The following SAFB2 variants were observed in gnomAD, a reference collection of about 807,000 sequenced individuals.
SAFB2 encodes the protein scaffold attachment factor B2.
In SAFB2, 32 loss-of-function variants were observed where a neutral mutation model predicts 100.6. The ratio of observed to expected loss-of-function variants is 0.32; its 90% CI spans 0.24 to 0.43. The LOEUF (loss-of-function observed/expected upper bound fraction) is 0.43. Ranked by LOEUF, SAFB2 falls within the 20% of genes least tolerant of loss-of-function variation. The probability of loss-of-function intolerance (pLI) is 1.00; values close to 1 mark genes in which losing one functional copy is unlikely to be tolerated. For missense variants in SAFB2, 1,185 were observed against 1,163.4 expected, an observed-to-expected ratio of 1.02 and a Z score of -0.27; for synonymous variants, 500 against 439.4, an observed-to-expected ratio of 1.14 and a Z score of -1.72.
chr19:5,616,564 T>C (rs1421561914), intron 2 of SAFB2, 78 bp from the exon 3 acceptor site: 13 of 1,201,444 alleles, frequency 1.1e-5, no homozygotes, highest in Non-Finnish European at 1.6e-5. Flanking sequence ...TAGATTTCAA[T>C]CTTAGAACAG....
rs2052958164 is a variant in SAFB2, at chr19:5,613,612, C to T, written c.544-85G>A. On this transcript the variant is annotated intron_variant, in intron 4 of 20. Coordinates refer to ENST00000252542, the MANE Select transcript of SAFB2 (RefSeq NM_014649.3). ...CACCTCGCTTAGGCAACTTGTGTGT[C>T]TATTTCCCTCACGGCACCTTTTGCC... The T allele has an allele frequency of 2.6e-6, 4 of 1,557,538 alleles. No homozygotes were observed. In the Admixed American group the frequency reaches 7.4e-5, roughly 29 times the overall value.
At chr19:5,605,385 A>G (rs1287781193) in intron 9 of SAFB2, among the ~76,000 whole-genome samples, 1 of 152,164 alleles carries the variant, frequency 6.6e-6, no homozygotes, top group Non-Finnish European at 1.5e-5. Flanking sequence ...GATTACAGGC[A>G]TGAGACACCG....
intron 4 of SAFB2, among the ~76,000 whole-genome samples, chr19:5,614,164 G>C (rs1265958209): frequency 2.0e-5 from 3 of 152,112 alleles, no homozygotes; most frequent in Admixed American, 6.5e-5. Context: ...CCATGTCCAG[G>C]CTGGTCTTGA....
At chr19:5,590,166 A>G in intron 18 of SAFB2, 112 bp downstream of exon 18, 1 of 1,013,982 alleles carries the variant, frequency 9.9e-7, no homozygotes, top group Non-Finnish European at 1.4e-6. Context: ...CTGGTAGCCC[A>G]TCCTAAAGCT....
chr19:5,617,080 G>T (rs74872894), intron 2 of SAFB2, among the ~76,000 whole-genome samples: 2,402 of 150,438 alleles, frequency 0.016, 70 homozygotes, highest in African/African-American at 0.057. Context: ...CCAAACCTAA[G>T]AAAAAAAATC....
intron 12 of SAFB2, among the ~76,000 whole-genome samples, chr19:5,599,831 A>G (rs1288379612): frequency 1.3e-5 from 2 of 152,260 alleles, no homozygotes; most frequent in African/African-American, 4.8e-5. Context: ...AACTCGGACA[A>G]CTCACTCTTG....
Position 5,595,347 on chromosome 19 carries a change from C to CCAGCTCCACT in SAFB2, c.1919+4_1919+13dup. ...GGAAACCACCAGCCCACAGCCTCAC[C>CCAGCTCCACT]CAGCTCCACTCACCGCCGCCTCTCC... On this transcript the variant is annotated intron_variant, in intron 14 of 20. Transcript: ENST00000252542. 1 of 1,606,664 alleles carries CCAGCTCCACT rather than the reference C, an allele frequency of 6.2e-7. No homozygotes were observed. The highest frequency in any genetic ancestry group is 8.5e-7 in the Non-Finnish European group (1 of 1,179,716).
At position 5,622,740 on chromosome 19, in the gene SAFB2, G is replaced by A. The variant is rs370956800; in HGVS notation, c.-25C>T. Reference sequence around the variant, plus strand: ...TCGTCGCGTTCCCGTCTTCGCCACCGACTCAGTCGCACACCGCCGGCAGCT... The same window carrying A: ...TCGTCGCGTTCCCGTCTTCGCCACCAACTCAGTCGCACACCGCCGGCAGCT... On this transcript the variant is annotated 5_prime_UTR_variant, in exon 1 of 21. Coordinates refer to ENST00000252542, the MANE Select transcript of SAFB2 (RefSeq NM_014649.3). 50 of 1,583,824 alleles carry A rather than the reference G, an allele frequency of 3.2e-5. No homozygotes were observed. The highest frequency in any genetic ancestry group is 3.8e-5 in the Non-Finnish European group (44 of 1,169,988).
Position 5,593,898 on chromosome 19 carries a change from G to A in SAFB2, c.2200C>T (p.Leu734=). 1 of 1,507,928 alleles carries A rather than the reference G, an allele frequency of 6.6e-7. No homozygotes were observed. The highest frequency in any genetic ancestry group is 8.8e-7 in the Non-Finnish European group (1 of 1,140,032). 93.4% of individuals were successfully genotyped at this position (1,507,928 alleles called of 1,614,324 possible). A position where few individuals can be genotyped will look rare whatever the true frequency, so the allele number is the denominator to read the frequency against. ...ERRPGRRPYD[L]DRRDDAYWPE... ...GCTCTGGGCGGGACTCACCGGTCCA[G>A]GTCGTAGGGCCTCCGCCCGGGCCGC... is the stretch of plus-strand genomic sequence containing the variant. Residue 734 remains leucine (L), a synonymous_variant, in exon 15 of 21, where the codon CTG becomes TTG. Coordinates refer to ENST00000252542, the MANE Select transcript of SAFB2 (RefSeq NM_014649.3).
intron 8 of SAFB2, 66 bp from the exon 9 acceptor site, chr19:5,610,161 G>T: frequency 6.0e-6 from 8 of 1,332,050 alleles, no homozygotes; most frequent in Middle Eastern, 1.8e-4. Flanking sequence ...CCATTCTTAA[G>T]ACCGCAGCCC....
intron 4 of SAFB2, chr19:5,613,823 C>G (rs1006334512): frequency 1.2e-5 from 9 of 758,810 alleles, no homozygotes. Context: ...TACCACATAC[C>G]CCTCCAATCA....
Position 5,591,804 on chromosome 19 carries a change from A to C in SAFB2, c.2349-11T>G, listed in dbSNP as rs1300756967. ...CTCGAACCCTCCCGCCTGCAAAAGGAAAAGATCCCGTTCAAACAGCACCAG... is the reference window on the plus strand; with the variant it reads ...CTCGAACCCTCCCGCCTGCAAAAGGCAAAGATCCCGTTCAAACAGCACCAG... On this transcript the variant is annotated splice_polypyrimidine_tract_variant and intron_variant, in intron 16 of 20. Transcript: ENST00000252542. 2 of 1,613,948 alleles carry C rather than the reference A, an allele frequency of 1.2e-6. No homozygotes were observed. Among genetic ancestry groups the C allele is most frequent in the East Asian group, 4.5e-5 (2 of 44,872 alleles).
chr19:5,603,975 G>A (rs888971795), intron 11 of SAFB2, among the ~76,000 whole-genome samples: 3 of 152,226 alleles, frequency 2.0e-5, no homozygotes, highest in Non-Finnish European at 4.4e-5. Context: ...CTGTACAAGG[G>A]ACCAGAATAT....
rs745620862 is a variant in SAFB2 at position 5,592,751 on chromosome 19, C to T, written c.2344G>A (p.Asp782Asn). The T allele has an allele frequency of 4.3e-6, 7 of 1,613,924 alleles. No homozygotes were observed. Among genetic ancestry groups the T allele is most frequent in the African/African-American group, 2.7e-5 (2 of 74,914 alleles). ...DRGQYQDHAI[D>N]RREGSRPMMG... ...GGAGGGGACAAGACCACTGACCTGT[C>T]GATGGCGTGGTCCTGGTACTGGCCC... The change falls in exon 16 of 21, where the codon GAC becomes AAC. Residue 782 changes from aspartate (D) to asparagine (N), a missense_variant. Transcript: ENST00000252542.
At chr19:5,593,731 A>T in intron 15 of SAFB2, 160 bp downstream of exon 15, 1 of 703,290 alleles carries the variant, frequency 1.4e-6, no homozygotes, top group Non-Finnish European at 2.2e-6. Context: ...AACCTGCAGC[A>T]GCGCAGTGAG....
At chr19:5,605,501 T>C (rs910959847) in intron 9 of SAFB2, among the ~76,000 whole-genome samples, 1 of 152,212 alleles carries the variant, frequency 6.6e-6, no homozygotes, top group Admixed American at 6.5e-5. Context: ...TACTCACAAC[T>C]AATAACCAGA....
At chr19:5,612,698 A>G (rs2052935050) in intron 5 of SAFB2, 131 bp from the exon 6 acceptor site, 4 of 704,658 alleles carry the variant, frequency 5.7e-6, no homozygotes, top group East Asian at 2.6e-5. Flanking sequence ...GTCTCCAAAA[A>G]ATGTATTCCA....
intron 17 of SAFB2, among the ~76,000 whole-genome samples, chr19:5,590,942 C>G (rs1418404695): frequency 6.6e-6 from 1 of 152,236 alleles, no homozygotes; most frequent in Non-Finnish European, 1.5e-5. Context: ...AGAACTCACA[C>G]CCTGCCACCA....
chr19:5,587,744 G>A lies in SAFB2; in HGVS notation c.2662C>T (p.Pro888Ser). 6.4e-7 allele frequency: 1 copy of A among 1,552,318 alleles called. No homozygotes were observed. The highest frequency in any genetic ancestry group is 8.7e-7 in the Non-Finnish European group (1 of 1,147,508). The change falls in exon 20 of 21, where the codon CCC (proline) becomes TCC (serine). Residue 888 changes from proline to serine, a missense_variant. By Grantham distance (74) the Pro-to-Ser change is moderately conservative. Coordinates refer to ENST00000252542, the MANE Select transcript of SAFB2 (RefSeq NM_014649.3). This position sits in a 1 kb window ranked among gnomAD's most constrained non-coding sequence, Gnocchi z 4.9. ...CTTGCCATGTGCCCCGGCCCCGAGG[G>A]CCCAGACAGGCCCCTCTCGCCACCT... Reference protein sequence around the residue: ...WQGGERGLSGPSGPGHMASRG... With the variant: ...WQGGERGLSGSSGPGHMASRG...
Sources: gnomAD v4.1 joint callset for allele counts (sites outside exome capture counted in the v4.1 genomes callset) on GRCh38, gnomAD v4.1.1 for gene constraint, Gnocchi (gnomAD v3.1) non-coding constraint, MANE v1.5 for transcripts, NCBI Gene and HGNC (gene_info 2026-07-23, HGNC 2026-07-21) for gene names.